The following DDX59 variants were observed in gnomAD, a reference collection of about 807,000 sequenced individuals.
DDX59 encodes the protein DEAD-box helicase 59, also known as probable ATP-dependent RNA helicase DDX59.
A neutral mutation model predicts 51.9 loss-of-function variants in DDX59; 30 were observed. That is an observed-to-expected ratio of 0.58 (90% CI 0.43 to 0.78). The LOEUF (loss-of-function observed/expected upper bound fraction) is 0.78. Among genes scored for constraint, DDX59 ranks in the 30% least tolerant of loss-of-function variants. DDX59 has a pLI of 0.00. For synonymous variants in DDX59, 255 were observed against 253.3 expected, an observed-to-expected ratio of 1.01 and a Z score of -0.06; for missense variants, 672 against 730.8, an observed-to-expected ratio of 0.92 and a Z score of 0.93.
rs749436176 is a variant in DDX59 at position 200,666,029 on chromosome 1, G to A, written c.712C>T (p.Leu238Phe). ...CTGGCCAGAATGTCTCTTCCCAGAA[G>A]TCCCACAGGAATCATCTGCATTTGA... ...PIQMQMIPVGLLGRDILASAD... is the reference protein window; with the variant it reads ...PIQMQMIPVGFLGRDILASAD... Residue 238 changes from leucine (L) to phenylalanine (F), a missense_variant, in exon 2 of 8, where the codon CTT becomes TTT. Leu to Phe is a conservative substitution (Grantham distance 22). Coordinates refer to ENST00000331314, the MANE Select transcript of DDX59 (RefSeq NM_001031725.6). 5.7e-5 allele frequency: 92 copies of A among 1,614,052 alleles called. No homozygotes were observed. The East Asian group carries it at 1.9e-3, about 34-fold the overall frequency.
In DDX59 at chr1:200,664,121, A is replaced by G; in HGVS notation, c.805-35T>C. 4 of 1,596,308 alleles carry G rather than the reference A, an allele frequency of 2.5e-6. No homozygotes were observed. The South Asian group carries it at 4.5e-5, about 18-fold the overall frequency. On this transcript the variant is annotated intron_variant, in intron 2 of 7. Transcript: ENST00000331314. ...TGTGAAAAACAAGTTTAAAAACACCAGCAATTAATTCCTGCTGATATGAAC... is the reference window on the plus strand; with the variant it reads ...TGTGAAAAACAAGTTTAAAAACACCGGCAATTAATTCCTGCTGATATGAAC...
intron 4 of DDX59, among the ~76,000 whole-genome samples, chr1:200,658,161 C>CT (rs1662151930): frequency 1.3e-5 from 2 of 152,334 alleles, no homozygotes; most frequent in South Asian, 4.1e-4. Context: ...CGCCAGGCCT[C>CT]TGCTCTGTCA....
intron 5 of DDX59, 120 bp from the exon 6 acceptor site, chr1:200,649,346 A>T: frequency 9.6e-7 from 1 of 1,045,570 alleles, no homozygotes; most frequent in Non-Finnish European, 1.3e-6. Context: ...GTTAAGAAGG[A>T]GGCTGGGCGC....
rs16847094 is a variant in DDX59, at chr1:200,656,515, A to G, written c.1062+2512T>C. 5.3e-3 allele frequency among the ~76,000 whole-genome samples: 807 copies of G among 152,302 alleles called. 10 individuals carry two copies. The highest frequency in any genetic ancestry group is 0.018 in the African/African-American group (762 of 41,570). ...CCAGAATTGGTCAATTTGTACCTAA[A>G]TAATACTTCTGTACTGACTGCAGTT... On this transcript the variant is annotated intron_variant, in intron 4 of 7. Transcript: ENST00000331314.
At chr1:200,646,170 C>T (rs760641729) in intron 7 of DDX59, among the ~76,000 whole-genome samples, 8 of 151,984 alleles carry the variant, frequency 5.3e-5, no homozygotes, top group Admixed American at 1.3e-4. Flanking sequence ...CCCATCTCTA[C>T]AAAAAACAGA....
At position 200,649,138 on chromosome 1, in the gene DDX59, G is replaced by A. The variant is rs374227657; in HGVS notation, c.1403C>T (p.Thr468Ile). Reference sequence around the variant, plus strand: ...ATGTATAGATATGCTTTTCAGCCCTGTGATTTTCTGAACGGCTTCACTCAA... The same window carrying A: ...ATGTATAGATATGCTTTTCAGCCCTATGATTTTCTGAACGGCTTCACTCAA... ...DLLSEAVQKI[T>I]GLKSISIHSE... is the part of the protein sequence containing the mutation. The change falls in exon 6 of 8, where the codon ACA becomes ATA. Residue 468 changes from threonine to isoleucine, a missense_variant. Transcript: ENST00000331314. 2.5e-6 allele frequency: 4 copies of A among 1,594,858 alleles called. No individual in the cohort carries two copies. Among genetic ancestry groups the A allele is most frequent in the Non-Finnish European group, 3.4e-6 (4 of 1,174,288 alleles).
At chr1:200,667,050 G>A (rs1189463084) in intron 1 of DDX59, among the ~76,000 whole-genome samples, 1 of 151,980 alleles carries the variant, frequency 6.6e-6, no homozygotes, top group African/African-American at 2.4e-5. Context: ...AGAGATTGCA[G>A]TGAGCCGAGA....
At chr1:200,657,465 T>C (rs536562864) in intron 4 of DDX59, among the ~76,000 whole-genome samples, 1 of 151,832 alleles carries the variant, frequency 6.6e-6, no homozygotes, top group East Asian at 1.9e-4. Context: ...ATAAGACATT[T>C]TTGGGCGGGT....
rs764769037 is a variant in DDX59, at chr1:200,665,962, G to C, written c.779C>G (p.Pro260Arg). ...GSGKTAAFLL[P>R]VIMRALFESK... ...CTCGAATAAAGCTCGCATGATAACAGGAAGAAGAAAAGCAGCTGTTTTTCC... is the reference window on the plus strand; with the variant it reads ...CTCGAATAAAGCTCGCATGATAACACGAAGAAGAAAAGCAGCTGTTTTTCC... Residue 260 changes from proline to arginine, a missense_variant, in exon 2 of 8, where the codon CCT (proline) becomes CGT (arginine). Coordinates refer to ENST00000331314, the MANE Select transcript of DDX59 (RefSeq NM_001031725.6). 1 of 1,610,514 alleles carries C rather than the reference G, an allele frequency of 6.2e-7. No individual in the cohort carries two copies. The highest frequency in any genetic ancestry group is 1.7e-5 in the Admixed American group (1 of 59,432).
At position 200,666,359 on chromosome 1, in the gene DDX59, T is replaced by C. The variant is rs757215382; in HGVS notation, c.382A>G (p.Ser128Gly). The stretch of plus-strand genomic sequence containing the variant: ...AGATGTTTCGCTTTACACTCCAAAC[T>C]ACACACATCTTCATCTGTCTTATCA... Reference protein sequence around the residue: ...ICDKTDEDVCSLECKAKHLLQ... With the variant: ...ICDKTDEDVCGLECKAKHLLQ... The change falls in exon 2 of 8, where the codon AGT becomes GGT. Residue 128 changes from serine to glycine, a missense_variant. Coordinates refer to ENST00000331314, the MANE Select transcript of DDX59 (RefSeq NM_001031725.6). The C allele has an allele frequency of 1.9e-6, 3 of 1,614,238 alleles. No individual in the cohort carries two copies. The highest frequency in any genetic ancestry group is 2.7e-5 in the African/African-American group (2 of 75,060).
Position 200,649,075 on chromosome 1 carries a change from T to G in DDX59, c.1466A>C (p.Lys489Thr). ...AATATAGAATATTGGGTGTCAAACCTTCAATATGTTTTTCCTTTCTATTTG... is the reference window on the plus strand; with the variant it reads ...AATATAGAATATTGGGTGTCAAACCGTCAATATGTTTTTCCTTTCTATTTG... ...KSQIERKNIL[K>T]GLLEGDYEVV... Residue 489 changes from lysine to threonine, a missense_variant and splice_region_variant, in exon 6 of 8, where the codon AAG (lysine) becomes ACG (threonine). By Grantham distance (78) the Lys-to-Thr change is moderately conservative (BLOSUM62 -1). Coordinates refer to ENST00000331314, the MANE Select transcript of DDX59 (RefSeq NM_001031725.6). 6.4e-7 allele frequency: 1 copy of G among 1,558,432 alleles called. No homozygotes were observed. Among genetic ancestry groups the G allele is most frequent in the Non-Finnish European group, 8.6e-7 (1 of 1,160,052 alleles).
chr1:200,664,762 G>A (rs958319755), intron 2 of DDX59, among the ~76,000 whole-genome samples: 39 of 151,334 alleles, frequency 2.6e-4, no homozygotes, highest in African/African-American at 7.5e-4. Flanking sequence ...CGCAACCTCC[G>A]CCTCCTGGGT....
At position 200,644,291 on chromosome 1, in the gene DDX59, A is replaced by G. The variant is rs142642032; in HGVS notation, c.1823T>C (p.Ile608Thr). The G allele has an allele frequency of 6.3e-7, 1 of 1,576,384 alleles. No homozygotes were observed. Among genetic ancestry groups the G allele is most frequent in the Non-Finnish European group, 8.6e-7 (1 of 1,164,908 alleles). The change falls in exon 8 of 8, where the codon ATT becomes ACT. Residue 608 changes from isoleucine (I) to threonine (T), a missense_variant. Transcript: ENST00000331314. ...ATTACTTTTATCATGTTTTCTGATAATATCCATAAGATTAGCTCCTGTAAC... is the reference window on the plus strand; with the variant it reads ...ATTACTTTTATCATGTTTTCTGATAGTATCCATAAGATTAGCTCCTGTAAC... Reference protein sequence around the residue: ...DLVTGANLMDIIRKHDKSNSQ... With the variant: ...DLVTGANLMDTIRKHDKSNSQ...
downstream of DDX59, among the ~76,000 whole-genome samples, chr1:200,643,216 G>A (rs1266617831): frequency 2.0e-5 from 3 of 151,912 alleles, no homozygotes; most frequent in Non-Finnish European, 4.4e-5. Context: ...AGCCTGGGAG[G>A]TTAAGGCTGT....
intron 4 of DDX59, chr1:200,655,027 C>G (rs1661925600): frequency 6.6e-6 from 1 of 152,064 alleles, no homozygotes; most frequent in African/African-American, 2.4e-5. Context: ...GATTCCGATG[C>G]CTATTTTATT....
chr1:200,666,537 C>G lies in DDX59; in HGVS notation c.204G>C (p.Gln68His). 6.2e-7 allele frequency: 1 copy of G among 1,614,240 alleles called. No homozygotes were observed. Among genetic ancestry groups the G allele is most frequent in the Non-Finnish European group, 8.5e-7 (1 of 1,180,048 alleles). ...ESCPFPSPGG[Q>H]LAEVHSVSPE... ...GACTTACTGAATGAACCTCTGCCAA[C>G]TGGCCACCTGGGCTGGGGAAAGGGC... The change falls in exon 2 of 8, where the codon CAG becomes CAC. Residue 68 changes from glutamine to histidine, a missense_variant. Coordinates refer to ENST00000331314, the MANE Select transcript of DDX59 (RefSeq NM_001031725.6).
Position 200,665,948 on chromosome 1 carries a change from C to G in DDX59, c.793G>C (p.Ala265Pro). Residue 265 changes from alanine to proline, a missense_variant, in exon 2 of 8, where the codon GCT (alanine) becomes CCT (proline). By Grantham distance (27) the Ala-to-Pro change is conservative. Transcript: ENST00000331314. ...AAFLLPVIMR[A>P]LFESKTPSAL... ...TTATTAACACTTACCTCGAATAAAG[C>G]TCGCATGATAACAGGAAGAAGAAAA... 6.2e-7 allele frequency: 1 copy of G among 1,604,262 alleles called. No individual in the cohort carries two copies. The highest frequency in any genetic ancestry group is 8.5e-7 in the Non-Finnish European group (1 of 1,175,212).
chr1:200,664,517 A>G (rs1192096893), intron 2 of DDX59, among the ~76,000 whole-genome samples: 2 of 152,126 alleles, frequency 1.3e-5, no homozygotes, highest in Non-Finnish European at 2.9e-5. Context: ...TATAACTTAC[A>G]TATATACCCA....
chr1:200,661,352 C>T (rs1025580533), intron 3 of DDX59, among the ~76,000 whole-genome samples: 1 of 131,540 alleles, frequency 7.6e-6, no homozygotes, highest in African/African-American at 2.5e-5. Flanking sequence ...TTTCAAAGTA[C>T]ACCTCAAAGT....
Sources: allele counts gnomAD v4.1 joint callset (sites outside exome capture counted in the v4.1 genomes callset), GRCh38; gene constraint gnomAD v4.1.1; transcripts MANE v1.5; gene names NCBI Gene and HGNC (gene_info 2026-07-23, HGNC 2026-07-21).